Variants in BABAM2 observed in about 807,000 individuals in gnomAD.
BABAM2 encodes BRISC and BRCA1 A complex member 2.
A neutral mutation model predicts 54.7 loss-of-function variants in BABAM2; 31 were observed. That is an observed-to-expected ratio of 0.57 (90% CI 0.43 to 0.77). The LOEUF is 0.77. BABAM2 is among the 30% of genes least tolerant of loss of function. BABAM2 has a pLI of 0.00. For missense variants in BABAM2, 364 were observed against 455.8 expected (o/e 0.80, Z 1.83); for synonymous variants, 167 against 162.9 (o/e 1.03, Z -0.19).
chr2:28,065,389 G>A (rs1351268511), intron 6 of BABAM2, among the ~76,000 whole-genome samples: 7 of 152,146 alleles, frequency 4.6e-5, no homozygotes, highest in Non-Finnish European at 7.3e-5. Context: ...TTATAATGCC[G>A]TAAAGAACTG....
At chr2:28,185,340 T>C (rs142608397) in intron 7 of BABAM2, among the ~76,000 whole-genome samples, 2,003 of 152,312 alleles carry the variant, frequency 0.013, 29 homozygotes, top group South Asian at 0.05. Context: ...TGTTCTCCCT[T>C]ACCACAGAAT....
At chr2:28,157,244 C>G (rs1456035544) in intron 7 of BABAM2, among the ~76,000 whole-genome samples, 3 of 152,118 alleles carry the variant, frequency 2.0e-5, no homozygotes, top group Non-Finnish European at 4.4e-5. Context: ...GGTCAGATTA[C>G]CAGTCCTGGA....
At chr2:27,945,868 T>C (rs1458932559) in intron 3 of BABAM2, among the ~76,000 whole-genome samples, 1 of 152,030 alleles carries the variant, frequency 6.6e-6, no homozygotes, top group Non-Finnish European at 1.5e-5. Flanking sequence ...TATTTAACCT[T>C]GTATGCTGAT....
At chr2:28,125,492 C>G (rs879494259) in intron 6 of BABAM2, among the ~76,000 whole-genome samples, 4 of 151,992 alleles carry the variant, frequency 2.6e-5, no homozygotes, top group Non-Finnish European at 5.9e-5. Context: ...TGGGGTTTAC[C>G]GTGTTGGCCA....
intron 3 of BABAM2, among the ~76,000 whole-genome samples, chr2:27,943,732 T>C (rs1469437820): frequency 6.6e-6 from 1 of 152,220 alleles, no homozygotes; most frequent in Non-Finnish European, 1.5e-5. Flanking sequence ...ATTTTACTTT[T>C]ATTTTTGTCT....
chr2:28,164,205 A>T (rs1415556386), intron 7 of BABAM2, among the ~76,000 whole-genome samples: 1 of 152,204 alleles, frequency 6.6e-6, no homozygotes, highest in Non-Finnish European at 1.5e-5. Context: ...GATGGAACCC[A>T]GTGCAGGTGG....
chr2:28,065,509 T>C lies in BABAM2; in HGVS notation c.570+19710T>C, dbSNP rs188625430. Among the ~76,000 whole-genome samples the C allele has an allele frequency of 3.6e-3, 542 of 152,258 alleles. 2 individuals carry two copies. Among genetic ancestry groups the C allele is most frequent in the African/African-American group, 0.012 (516 of 41,538 alleles). On this transcript the variant is annotated intron_variant, in intron 6 of 11. Coordinates refer to ENST00000379624, the MANE Select transcript of BABAM2 (RefSeq NM_199191.3). ...TAGTCTGGGATGAGGGAAAGGAAAC[T>C]ACATCCATCCACACACACACAGCTT... is the stretch of plus-strand genomic sequence containing the variant.
At chr2:28,265,510 G>A (rs1469277682) in intron 10 of BABAM2, among the ~76,000 whole-genome samples, 1 of 152,128 alleles carries the variant, frequency 6.6e-6, no homozygotes, top group Non-Finnish European at 1.5e-5. Context: ...CTGAAAAGCG[G>A]GTAGCTGCTC....
intron 2 of BABAM2, among the ~76,000 whole-genome samples, chr2:27,911,614 A>G (rs922441473): frequency 2.6e-5 from 4 of 152,194 alleles, no homozygotes; most frequent in Admixed American, 6.5e-5. Flanking sequence ...AATCTTGAGC[A>G]TGGACTTCAA....
chr2:28,045,966 A>G (rs972005102), intron 6 of BABAM2, among the ~76,000 whole-genome samples, 167 bp downstream of exon 6: 25 of 152,222 alleles, frequency 1.6e-4, no homozygotes, highest in African/African-American at 5.5e-4. Flanking sequence ...CCTAAAAGCT[A>G]AAATAGTAAC....
At chr2:28,081,240 C>A (rs2148673419) in intron 6 of BABAM2, among the ~76,000 whole-genome samples, 2 of 152,254 alleles carry the variant, frequency 1.3e-5, no homozygotes, top group South Asian at 4.1e-4. Context: ...CTCCCCAGGG[C>A]AAAGCGCCTG....
At chr2:27,913,367 C>G (rs1043781322) in intron 2 of BABAM2, among the ~76,000 whole-genome samples, 4 of 152,154 alleles carry the variant, frequency 2.6e-5, no homozygotes, top group Non-Finnish European at 5.9e-5. Flanking sequence ...TGCATTCTAA[C>G]AGTCCAGGAG....
At chr2:28,054,311 C>CT (rs1046182328) in intron 6 of BABAM2, among the ~76,000 whole-genome samples, 3 of 152,098 alleles carry the variant, frequency 2.0e-5, no homozygotes, top group Non-Finnish European at 4.4e-5. Context: ...TCCCCCTACC[C>CT]TTTTTTTAAC....
intron 6 of BABAM2, among the ~76,000 whole-genome samples, chr2:28,065,893 C>A (rs1663484347): frequency 6.6e-6 from 1 of 150,506 alleles, no homozygotes; most frequent in Non-Finnish European, 1.5e-5. Flanking sequence ...GTAATCCCAG[C>A]ACTTTGGGAG....
intron 6 of BABAM2, among the ~76,000 whole-genome samples, chr2:28,112,158 C>T (rs1409142476): frequency 0.41 from 2,604 of 6,332 alleles, 870 homozygotes; most frequent in African/African-American, 0.58. Flanking sequence ...TACCTCCCTC[C>T]CTCCCTCCCT....
chr2:27,959,623 C>G (rs1376375396), intron 3 of BABAM2, among the ~76,000 whole-genome samples: 1 of 151,750 alleles, frequency 6.6e-6, no homozygotes, highest in Non-Finnish European at 1.5e-5. Flanking sequence ...GCTTCTTTCT[C>G]TACTTCTTCC....
At chr2:27,997,528 G>A (rs368574663) in intron 4 of BABAM2, among the ~76,000 whole-genome samples, 2 of 152,086 alleles carry the variant, frequency 1.3e-5, no homozygotes, top group South Asian at 2.1e-4. Flanking sequence ...TTTTCTAAAG[G>A]TGTTGCTATT....
chr2:27,939,077 T>G (rs890044176), intron 3 of BABAM2, among the ~76,000 whole-genome samples: 4 of 152,090 alleles, frequency 2.6e-5, no homozygotes, highest in Admixed American at 2.6e-4. Context: ...CTCAGCCTCC[T>G]GAGTAGCTGG....
intron 6 of BABAM2, among the ~76,000 whole-genome samples, chr2:28,122,847 ACCATTATGAT>A (rs932897898): frequency 2.7e-4 from 40 of 148,844 alleles, no homozygotes; most frequent in African/African-American, 8.7e-4. Flanking sequence ...ATGTAAATGA[ACCATTATGAT>A]CTAACCAGAA....
Sources: gnomAD v4.1 joint callset for allele counts (sites outside exome capture counted in the v4.1 genomes callset) on GRCh38, gnomAD v4.1.1 for gene constraint, MANE v1.5 for transcripts, NCBI Gene and HGNC (gene_info 2026-07-23, HGNC 2026-07-21) for gene names.